CCDC170: variants seen among roughly 807,000 people sequenced by gnomAD.
The protein encoded by CCDC170 is coiled-coil domain containing 170, also known as coiled-coil domain-containing protein 170.
In CCDC170, 69 loss-of-function variants were observed where a neutral mutation model predicts 72.6. The observed-to-expected ratio is 0.95, with a 90% CI of 0.78 to 1.16. The LOEUF (loss-of-function observed/expected upper bound fraction) is 1.16, where lower values mean the gene tolerates loss of function less well. CCDC170 is among the 50% of genes most tolerant of loss of function. The pLI is 0.00. For missense variants in CCDC170, 852 were observed against 832.5 expected (o/e 1.02, Z -0.29); for synonymous variants, 300 against 303.9 (o/e 0.99, Z 0.13).
intron 9 of CCDC170, among the ~76,000 whole-genome samples, chr6:151,602,387 A>T (rs757542827): frequency 3.9e-5 from 6 of 152,196 alleles, no homozygotes; most frequent in Admixed American, 6.5e-5. Flanking sequence ...AATCCATATC[A>T]GTTCAAAAAT....
intron 1 of CCDC170, among the ~76,000 whole-genome samples, chr6:151,511,131 G>A (rs900042615): frequency 7.2e-5 from 11 of 152,146 alleles, no homozygotes; most frequent in Non-Finnish European, 1.2e-4. Context: ...GTGTATCTTG[G>A]TCGACTGTCT....
intron 9 of CCDC170, among the ~76,000 whole-genome samples, chr6:151,606,182 G>T (rs796844858): frequency 2.0e-5 from 3 of 152,330 alleles, no homozygotes; most frequent in African/African-American, 7.2e-5. Flanking sequence ...GATTACAGGC[G>T]TGAGCCACTG....
At chr6:151,521,798 A>T (rs111615840) in intron 1 of CCDC170, among the ~76,000 whole-genome samples, 46 of 152,130 alleles carry the variant, frequency 3.0e-4, no homozygotes, top group African/African-American at 1.0e-3. Flanking sequence ...CCTGGCCAAC[A>T]TTGTGAAATC....
chr6:151,610,853 T>G (rs958655382), intron 9 of CCDC170, among the ~76,000 whole-genome samples: 1 of 152,236 alleles, frequency 6.6e-6, no homozygotes, highest in African/African-American at 2.4e-5. Flanking sequence ...ATTTTCTGCA[T>G]AGTTCTGAAG....
rs539882788 is a variant in CCDC170 at position 151,575,933 on chromosome 6, G to T, written c.1092+2442G>T. ...CTCTGCGAGTAACTTAGTTTTTCTTGTGACTCAGTTTACATGGAGGTACTT... is the reference window on the plus strand; with the variant it reads ...CTCTGCGAGTAACTTAGTTTTTCTTTTGACTCAGTTTACATGGAGGTACTT... On this transcript the variant is annotated intron_variant, in intron 6 of 10. Coordinates refer to ENST00000239374, the MANE Select transcript of CCDC170 (RefSeq NM_025059.4). Among the ~76,000 whole-genome samples, 3 of 152,186 alleles carry T rather than the reference G, an allele frequency of 2.0e-5. No homozygotes were observed. The East Asian group carries it at 5.8e-4, about 30-fold the overall frequency.
intron 6 of CCDC170, among the ~76,000 whole-genome samples, chr6:151,582,529 GT>G (rs531726351): frequency 4.0e-5 from 6 of 151,822 alleles, no homozygotes; most frequent in East Asian, 1.9e-4. Context: ...CAATAAGGCT[GT>G]TTTTTTTCTT....
At chr6:151,550,187 C>G (rs1204305359) in intron 5 of CCDC170, among the ~76,000 whole-genome samples, 2 of 152,114 alleles carry the variant, frequency 1.3e-5, no homozygotes, top group Non-Finnish European at 2.9e-5. Context: ...TAATAATGAT[C>G]CATTTCCAAA....
intron 9 of CCDC170, among the ~76,000 whole-genome samples, chr6:151,609,276 G>A (rs1776833232): frequency 6.6e-6 from 1 of 152,012 alleles, no homozygotes; most frequent in African/African-American, 2.4e-5. Context: ...CATCTATTCG[G>A]GCCATCAAAA....
At chr6:151,541,203 C>T (rs1338585057) in intron 3 of CCDC170, among the ~76,000 whole-genome samples, 1 of 152,156 alleles carries the variant, frequency 6.6e-6, no homozygotes, top group Non-Finnish European at 1.5e-5. Context: ...TGGCACTTTC[C>T]AAGTGAGATG....
intron 1 of CCDC170, among the ~76,000 whole-genome samples, chr6:151,534,279 T>C (rs1303433133): frequency 6.6e-6 from 1 of 151,918 alleles, no homozygotes; most frequent in African/African-American, 2.4e-5. Context: ...GGTCTGGAAC[T>C]CCTGGGCTCA....
At chr6:151,538,407 T>G in intron 3 of CCDC170, 106 bp downstream of exon 3, 1 of 1,146,948 alleles carries the variant, frequency 8.7e-7, no homozygotes, top group Non-Finnish European at 1.2e-6. Flanking sequence ...TACTTGGCCC[T>G]TAAACTCAAT....
At chr6:151,596,111 A>C (rs569386175) in intron 8 of CCDC170, among the ~76,000 whole-genome samples, 2 of 152,288 alleles carry the variant, frequency 1.3e-5, no homozygotes, top group African/African-American at 2.4e-5. Context: ...TGACTCCTGC[A>C]CATTTTCTGG....
At position 151,615,528 on chromosome 6, in the gene CCDC170, A is replaced by T. The variant is rs1313629719; in HGVS notation, c.1796A>T (p.Lys599Ile). ...QLEKMKEKAE[K>I]KLMSVKSELD... is the part of the protein sequence containing the mutation. ...GAGAAGATGAAGGAGAAAGCTGAGA[A>T]AAAGCTCATGTCTGTCAAGTCAGAA... Residue 599 changes from lysine (K) to isoleucine (I), a missense_variant, in exon 10 of 11, where the codon AAA becomes ATA. Transcript: ENST00000239374. 6.2e-7 allele frequency: 1 copy of T among 1,614,172 alleles called. No homozygotes were observed. Among genetic ancestry groups the T allele is most frequent in the East Asian group, 2.2e-5 (1 of 44,866 alleles).
intron 5 of CCDC170, among the ~76,000 whole-genome samples, chr6:151,548,928 T>TCTCG (rs1782828369): frequency 6.6e-6 from 1 of 151,378 alleles, no homozygotes; most frequent in South Asian, 2.1e-4. Flanking sequence ...TTGGACGGAG[T>TCTCG]CTCACTCTGT....
At chr6:151,499,158 A>G (rs528126251) in intron 1 of CCDC170, among the ~76,000 whole-genome samples, 12 of 141,302 alleles carry the variant, frequency 8.5e-5, no homozygotes, top group Admixed American at 2.1e-4. Context: ...GGCACGCTGT[A>G]TAAGTGGAAT....
In CCDC170 at chr6:151,494,081, C is replaced by T. The variant is rs748071757; in HGVS notation, c.-48C>T. On this transcript the variant is annotated 5_prime_UTR_variant, in exon 1 of 11. Transcript: ENST00000239374. ...CCGCCGGCTCCCGGCGCCGCCGCTT[C>T]CTCAGGGCCGGTTCCGGGTCCGAGC... The T allele has an allele frequency of 2.0e-6, 3 of 1,469,206 alleles. No homozygotes were observed. Among genetic ancestry groups the T allele is most frequent in the South Asian group, 2.6e-5 (2 of 76,158 alleles). The allele number at this position is 1,469,206 out of a possible 1,614,324, so 91.0% of individuals were successfully genotyped here.
chr6:151,607,041 T>A (rs1354473743), intron 9 of CCDC170, among the ~76,000 whole-genome samples: 3 of 152,144 alleles, frequency 2.0e-5, no homozygotes, highest in Admixed American at 6.5e-5. Flanking sequence ...GTTGAGTTTT[T>A]AAAAAAAATC....
intron 1 of CCDC170, among the ~76,000 whole-genome samples, chr6:151,533,259 T>TCG (rs1271322073): frequency 2.8e-4 from 42 of 151,602 alleles, no homozygotes; most frequent in Non-Finnish European, 5.5e-4. Context: ...TTTCACCATG[T>TCG]TAGCCAGGAT....
chr6:151,567,823 T>C (rs899713101), intron 5 of CCDC170, among the ~76,000 whole-genome samples: 1 of 151,660 alleles, frequency 6.6e-6, no homozygotes, highest in Non-Finnish European at 1.5e-5. Flanking sequence ...AAAAATGGAG[T>C]ATAGGCTGGG....
Sources: allele counts gnomAD v4.1 joint callset (sites outside exome capture counted in the v4.1 genomes callset), GRCh38; gene constraint gnomAD v4.1.1; transcripts MANE v1.5; gene names NCBI Gene and HGNC (gene_info 2026-07-23, HGNC 2026-07-21).